CUX2: variants seen among roughly 807,000 people sequenced by gnomAD.
CUX2 encodes cut like homeobox 2, also known as homeobox protein cut-like 2.
CUX2 carries 40 observed loss-of-function variants against 144.8 expected under a neutral mutation model. The observed-to-expected ratio is 0.28, with a 90% CI of 0.21 to 0.36. The LOEUF (loss-of-function observed/expected upper bound fraction) is 0.36, where lower values mean the gene tolerates loss of function less well. CUX2 is among the 10% of genes least tolerant of loss of function. CUX2 has a pLI of 1.00. For synonymous variants in CUX2, 827 were observed against 875.6 expected (o/e 0.94, Z 0.98); for missense variants, 1,615 against 1,994.0 (o/e 0.81, Z 3.62).
chr12:111,151,745 T>G (rs1212252319), intron 1 of CUX2, among the ~76,000 whole-genome samples: 1 of 152,102 alleles, frequency 6.6e-6, no homozygotes, highest in African/African-American at 2.4e-5. Context: ...GGGAGATCTC[T>G]GTGCTGTCTG....
chr12:111,101,931 T>TA (rs1566221401), intron 1 of CUX2, among the ~76,000 whole-genome samples: 1 of 152,250 alleles, frequency 6.6e-6, no homozygotes, highest in Non-Finnish European at 1.5e-5. Context: ...TTGTGAGAGT[T>TA]AAATTTCTTA....
chr12:111,348,153 C>G lies in CUX2; in HGVS notation c.4289C>G (p.Ala1430Gly), dbSNP rs768467158. The change falls in exon 22 of 22, where the codon GCC (alanine) becomes GGC (glycine). Residue 1430 changes from alanine to glycine, a missense_variant. Coordinates refer to ENST00000261726, the MANE Select transcript of CUX2 (RefSeq NM_015267.4). ...ISPSPPGAPP[A>G]KVPSASPTAD... Reference sequence around the variant, plus strand: ...CCATCCCCACCTGGCGCCCCCCCTGCCAAAGTGCCGAGTGCCAGCCCCACT... The same window carrying G: ...CCATCCCCACCTGGCGCCCCCCCTGGCAAAGTGCCGAGTGCCAGCCCCACT... 6.2e-7 allele frequency: 1 copy of G among 1,614,112 alleles called. No individual in the cohort carries two copies.
intron 1 of CUX2, among the ~76,000 whole-genome samples, chr12:111,112,395 A>C (rs1378146725): frequency 6.6e-6 from 1 of 152,210 alleles, no homozygotes; most frequent in East Asian, 1.9e-4. Flanking sequence ...TGCAGAAATC[A>C]ATGTTTGCTG....
At position 111,312,601 on chromosome 12, in the gene CUX2, G is replaced by A. The variant is rs1348123812; in HGVS notation, c.2002+400G>A. Among the ~76,000 whole-genome samples, 2 of 152,104 alleles carry A rather than the reference G, an allele frequency of 1.3e-5. No homozygotes were observed. Among genetic ancestry groups the A allele is most frequent in the Non-Finnish European group, 2.9e-5 (2 of 68,020 alleles). On this transcript the variant is annotated intron_variant, in intron 16 of 21. Coordinates refer to ENST00000261726, the MANE Select transcript of CUX2 (RefSeq NM_015267.4). This position sits in a 1 kb window ranked among gnomAD's most constrained non-coding sequence, Gnocchi z 4.3. Reference sequence around the variant, plus strand: ...TGTAATCCCAGCTACTTAGAAGGCTGAGGCAGGAGAATTGCTTGAACCCGG... The same window carrying A: ...TGTAATCCCAGCTACTTAGAAGGCTAAGGCAGGAGAATTGCTTGAACCCGG...
rs1289741289 is a variant in CUX2 at position 111,320,366 on chromosome 12, A to T, written c.2357A>T (p.Asp786Val). The T allele has an allele frequency of 1.3e-6, 2 of 1,597,904 alleles. No homozygotes were observed. ...GAGATCGGCGACGCCGGCTACTTCG[A>T]CCACCACTGGGCCTCCGACCGCGGC... ...KSEIGDAGYF[D>V]HHWASDRGLL... Residue 786 changes from aspartate to valine, a missense_variant, in exon 17 of 22, where the codon GAC becomes GTC. Physicochemically the swap from Asp to Val is radical, Grantham distance 152. Transcript: ENST00000261726. This position sits in a 1 kb window ranked among gnomAD's most constrained non-coding sequence, Gnocchi z 8.1.
intron 3 of CUX2, among the ~76,000 whole-genome samples, chr12:111,260,963 T>A (rs1039675667): frequency 4.6e-5 from 7 of 152,200 alleles, no homozygotes; most frequent in African/African-American, 1.7e-4. Flanking sequence ...ATTGCTTTTG[T>A]TTCTCATTGT....
intron 1 of CUX2, among the ~76,000 whole-genome samples, chr12:111,121,400 G>T (rs138608355): frequency 4.4e-5 from 5 of 114,782 alleles, no homozygotes; most frequent in African/African-American, 1.6e-4. Flanking sequence ...TTTTTGAGAC[G>T]GATTCTTGCT....
At chr12:111,299,169 G>A (rs1445743588) in intron 9 of CUX2, among the ~76,000 whole-genome samples, 1 of 152,238 alleles carries the variant, frequency 6.6e-6, no homozygotes, top group African/African-American at 2.4e-5. Context: ...AGGGCCTTGA[G>A]CCCTCTGTCC....
intron 21 of CUX2, among the ~76,000 whole-genome samples, chr12:111,345,243 A>T (rs1181501766): frequency 2.7e-5 from 4 of 150,726 alleles, no homozygotes; most frequent in African/African-American, 9.8e-5. Context: ...AAGTCAAGAG[A>T]TCGAGACCAT....
rs1871618220 is a variant in CUX2 at position 111,077,727 on chromosome 12, A to G, written c.63+43487A>G. On this transcript the variant is annotated intron_variant, in intron 1 of 21. Coordinates refer to ENST00000261726, the MANE Select transcript of CUX2 (RefSeq NM_015267.4). This position sits in a 1 kb window ranked among gnomAD's most constrained non-coding sequence, Gnocchi z 4.1. The stretch of plus-strand genomic sequence containing the variant: ...AGAGTGTTTGTTTTTTGGGGGCCAT[A>G]CGCAAATTCCCACCCAGATCCCTCC... 6.6e-6 allele frequency among the ~76,000 whole-genome samples: 1 copy of G among 152,144 alleles called. No individual in the cohort carries two copies. The highest frequency in any genetic ancestry group is 2.4e-5 in the African/African-American group (1 of 41,436).
intron 1 of CUX2, among the ~76,000 whole-genome samples, chr12:111,042,972 G>A (rs1869822924): frequency 6.6e-6 from 1 of 152,032 alleles, no homozygotes; most frequent in Non-Finnish European, 1.5e-5. Context: ...CATATGAAGC[G>A]CTGAGATCCA....
At chr12:111,162,960 C>T (rs1030423349) in intron 1 of CUX2, among the ~76,000 whole-genome samples, 1 of 151,588 alleles carries the variant, frequency 6.6e-6, no homozygotes, top group African/African-American at 2.4e-5. Context: ...GCAGGAGAAT[C>T]GCTTGAACCT....
At chr12:111,091,390 C>A (rs919038674) in intron 1 of CUX2, among the ~76,000 whole-genome samples, 2 of 152,122 alleles carry the variant, frequency 1.3e-5, no homozygotes, top group Non-Finnish European at 2.9e-5. Flanking sequence ...TTGCTGCTGG[C>A]GGAGGTCAAG....
intron 1 of CUX2, among the ~76,000 whole-genome samples, chr12:111,136,444 A>G (rs1376253930): frequency 1.3e-5 from 2 of 152,090 alleles, no homozygotes; most frequent in Non-Finnish European, 2.9e-5. Context: ...ACCTCGCCAG[A>G]CCCAACAGGG....
chr12:111,249,044 C>T (rs1883420215), intron 3 of CUX2, among the ~76,000 whole-genome samples: 1 of 152,200 alleles, frequency 6.6e-6, no homozygotes, highest in East Asian at 1.9e-4. Flanking sequence ...CGTGGACCCA[C>T]CATCCATGGC....
chr12:111,169,489 G>C (rs73415916), intron 1 of CUX2, among the ~76,000 whole-genome samples: 3 of 152,162 alleles, frequency 2.0e-5, no homozygotes, highest in Non-Finnish European at 4.4e-5. Flanking sequence ...AACCATACTC[G>C]TTTTATTCAA....
Position 111,146,534 on chromosome 12 carries a change from G to C in CUX2, c.64-67666G>C, listed in dbSNP as rs143271062. ...AGAACAGATGACAGTGGGGAAAGGG[G>C]TTGGGATAGCTTGTGGGTGGCCAAT... On this transcript the variant is annotated intron_variant, in intron 1 of 21. Coordinates refer to ENST00000261726, the MANE Select transcript of CUX2 (RefSeq NM_015267.4). Among the ~76,000 whole-genome samples, 610 of 152,308 alleles carry C rather than the reference G, an allele frequency of 4.0e-3. 3 individuals carry two copies. Among genetic ancestry groups the C allele is most frequent in the Middle Eastern group, 6.8e-3 (2 of 294 alleles).
intron 1 of CUX2, among the ~76,000 whole-genome samples, chr12:111,180,828 T>C (rs926751205): frequency 6.6e-6 from 1 of 151,800 alleles, no homozygotes; most frequent in African/African-American, 2.4e-5. Context: ...CTCCCCTGAG[T>C]TATTGAGGGA....
intron 1 of CUX2, among the ~76,000 whole-genome samples, chr12:111,121,845 G>A (rs1874716554): frequency 6.6e-6 from 1 of 151,836 alleles, no homozygotes; most frequent in Admixed American, 6.6e-5. Flanking sequence ...GGCATTTGGG[G>A]TAAGGTCTTG....
Sources: gnomAD v4.1 joint callset for allele counts (sites outside exome capture counted in the v4.1 genomes callset) on GRCh38, gnomAD v4.1.1 for gene constraint, Gnocchi (gnomAD v3.1) non-coding constraint, MANE v1.5 for transcripts, NCBI Gene and HGNC (gene_info 2026-07-23, HGNC 2026-07-21) for gene names.